TBC1D4: variants seen among roughly 807,000 people sequenced by gnomAD.
TBC1D4 encodes the protein TBC (Tre-2, BUB2, CDC16) domain-containing protein.
In TBC1D4, 121 loss-of-function variants were observed where a neutral mutation model predicts 142.5. The observed-to-expected ratio is 0.85, with a 90% confidence interval of 0.73 to 0.99. The LOEUF is 0.99. TBC1D4 is among the 50% of genes least tolerant of loss of function. The pLI is 0.00. For missense variants in TBC1D4, 1,475 were observed against 1,606.6 expected, an observed-to-expected ratio of 0.92 and a Z score of 1.40; for synonymous variants, 630 against 628.2, an observed-to-expected ratio of 1.00 and a Z score of -0.04.
chr13:75,435,281 T>C (rs1386973355), intron 1 of TBC1D4, among the ~76,000 whole-genome samples: 1 of 147,104 alleles, frequency 6.8e-6, no homozygotes, highest in Admixed American at 6.9e-5. Context: ...GGAGCCAAGA[T>C]CACGCCACTG....
At chr13:75,302,647 G>A (rs77378660) in intron 15 of TBC1D4, 11,949 of 549,988 alleles carry the variant, frequency 0.022, 416 homozygotes, top group African/African-American at 0.11. Flanking sequence ...AACATCACCC[G>A]TTGCTGACTG....
intron 1 of TBC1D4, among the ~76,000 whole-genome samples, chr13:75,460,793 C>T (rs1351573932): frequency 6.6e-6 from 1 of 151,980 alleles, no homozygotes; most frequent in Non-Finnish European, 1.5e-5. Context: ...CATGGTGGCA[C>T]ATGTCCATAG....
chr13:75,378,007 T>G (rs902587154), intron 1 of TBC1D4, among the ~76,000 whole-genome samples: 4 of 152,150 alleles, frequency 2.6e-5, no homozygotes, highest in African/African-American at 9.6e-5. Context: ...CTTAAAAGTT[T>G]CAAAGCCATA....
chr13:75,322,836 T>C (rs1878887513), intron 11 of TBC1D4, among the ~76,000 whole-genome samples: 3 of 152,240 alleles, frequency 2.0e-5, no homozygotes, highest in Admixed American at 6.5e-5. Context: ...ATATATCTTA[T>C]ACTAGTTTTG....
intron 1 of TBC1D4, among the ~76,000 whole-genome samples, chr13:75,378,840 A>T (rs1174979243): frequency 6.6e-6 from 1 of 152,166 alleles, no homozygotes; most frequent in Non-Finnish European, 1.5e-5. Flanking sequence ...CATCAAATAC[A>T]TATCCAGCTG....
Position 75,286,842 on chromosome 13 carries a change from C to A in TBC1D4, c.3847G>T (p.Asp1283Tyr), listed in dbSNP as rs766357042. ...ALVNCDLLLRDLNCNPNNKAK... is the reference protein window; with the variant it reads ...ALVNCDLLLRYLNCNPNNKAK... ...TTGTTGTTAGGGTTGCAGTTTAGGT[C>A]TCTCAGCAACAGGTCACAATTGACT... is the stretch of plus-strand genomic sequence containing the variant. The change falls in exon 21 of 21, where the codon GAC becomes TAC. Residue 1283 changes from aspartate to tyrosine, a missense_variant. Around this residue, in one of 2 missense-constraint regions of TBC1D4, gnomAD observed 248 missense variants for 338.9 expected, o/e 0.73. Transcript: ENST00000377636. The A allele has an allele frequency of 6.2e-7, 1 of 1,613,938 alleles. No homozygotes were observed.
intron 1 of TBC1D4, among the ~76,000 whole-genome samples, chr13:75,426,908 G>A (rs1363058288): frequency 6.6e-6 from 1 of 151,064 alleles, no homozygotes; most frequent in African/African-American, 2.4e-5. Context: ...AAATAGATGG[G>A]CATGGTGGTG....
chr13:75,283,559 A>G lies in TBC1D4; in HGVS notation c.*3233T>C, dbSNP rs1566328890. On this transcript the variant is annotated 3_prime_UTR_variant, in exon 21 of 21. Coordinates refer to ENST00000377636, the MANE Select transcript of TBC1D4 (RefSeq NM_014832.5). ...GAATACTCCAAGAGATGCATATTTT[A>G]TATAAAAACATTCATATCACATCCA... Among the ~76,000 whole-genome samples the G allele has an allele frequency of 6.6e-6, 1 of 152,218 alleles. No individual in the cohort carries two copies. Among genetic ancestry groups the G allele is most frequent in the Non-Finnish European group, 1.5e-5 (1 of 68,032 alleles).
intron 1 of TBC1D4, among the ~76,000 whole-genome samples, chr13:75,470,151 C>G (rs1888339793): frequency 6.6e-6 from 1 of 152,006 alleles, no homozygotes; most frequent in Admixed American, 6.5e-5. Flanking sequence ...TTGTCTAGAG[C>G]AGGGGTTATC....
chr13:75,391,061 C>T (rs866477105), intron 1 of TBC1D4, among the ~76,000 whole-genome samples: 1 of 129,594 alleles, frequency 7.7e-6, no homozygotes, highest in African/African-American at 2.6e-5. Flanking sequence ...CACACACACA[C>T]ACACACACAC....
intron 8 of TBC1D4, among the ~76,000 whole-genome samples, chr13:75,335,308 A>G (rs1880106497): frequency 2.0e-5 from 3 of 152,130 alleles, no homozygotes; most frequent in South Asian, 2.1e-4. Flanking sequence ...TGGGTCCCCC[A>G]TGCCACAGCC....
At position 75,288,874 on chromosome 13, in the gene TBC1D4, T is replaced by C. The variant is rs1874962252; in HGVS notation, c.3663+60A>G. The C allele has an allele frequency of 1.5e-5, 23 of 1,532,740 alleles. No individual in the cohort carries two copies. In the Middle Eastern group the frequency reaches 6.2e-4, roughly 41 times the overall value. 94.9% of individuals were successfully genotyped at this position (1,532,740 alleles called of 1,614,324 possible). On this transcript the variant is annotated intron_variant, in intron 20 of 20. Coordinates refer to ENST00000377636, the MANE Select transcript of TBC1D4 (RefSeq NM_014832.5). The stretch of plus-strand genomic sequence containing the variant: ...GCACATATCCCTTTCATTCCTGAGG[T>C]AGTTCTGTGCATGCAGGAGGCATTG...
chr13:75,366,299 T>A (rs1209023652), intron 1 of TBC1D4, among the ~76,000 whole-genome samples: 1 of 152,208 alleles, frequency 6.6e-6, no homozygotes, highest in Non-Finnish European at 1.5e-5. Context: ...CTGGGAATAG[T>A]TGTTGCACCT....
chr13:75,471,694 G>A (rs1176805575), intron 1 of TBC1D4, among the ~76,000 whole-genome samples: 1 of 150,374 alleles, frequency 6.7e-6, no homozygotes, highest in East Asian at 2.0e-4. Context: ...GCCGAGATTG[G>A]GCCACTACAC....
intron 1 of TBC1D4, among the ~76,000 whole-genome samples, chr13:75,450,653 G>A (rs1887496774): frequency 6.6e-6 from 1 of 152,162 alleles, no homozygotes. Flanking sequence ...CTAAGTGTCT[G>A]GAGTTTGTAT....
chr13:75,393,806 C>T (rs2138315387), intron 1 of TBC1D4, among the ~76,000 whole-genome samples: 1 of 152,044 alleles, frequency 6.6e-6, no homozygotes, highest in Non-Finnish European at 1.5e-5. Flanking sequence ...TGGCACATGC[C>T]TGTAATCCCT....
chr13:75,425,398 A>G (rs1427810674), intron 1 of TBC1D4, among the ~76,000 whole-genome samples: 2 of 152,206 alleles, frequency 1.3e-5, no homozygotes, highest in Non-Finnish European at 2.9e-5. Context: ...TAGTATGGTC[A>G]TAATGGAAAA....
rs200626177 is a variant in TBC1D4 at position 75,312,770 on chromosome 13, A to G, written c.2351T>C (p.Met784Thr). 10 of 1,614,106 alleles carry G rather than the reference A, an allele frequency of 6.2e-6. No individual in the cohort carries two copies. The highest frequency in any genetic ancestry group is 8.5e-6 in the Non-Finnish European group (10 of 1,180,058). Residue 784 changes from methionine to threonine, a missense_variant, in exon 13 of 21, where the codon ATG becomes ACG. Transcript: ENST00000377636. ...QRIFLRVASP[M>T]NKSPSAMQQQ... ...TTGCATTGCTGAGGGAGATTTGTTCATGGGAGAAGCAACCCTGAGGAAAAT... is the reference window on the plus strand; with the variant it reads ...TTGCATTGCTGAGGGAGATTTGTTCGTGGGAGAAGCAACCCTGAGGAAAAT...
At chr13:75,472,937 G>A (rs1888476944) in intron 1 of TBC1D4, among the ~76,000 whole-genome samples, 1 of 152,134 alleles carries the variant, frequency 6.6e-6, no homozygotes, top group Non-Finnish European at 1.5e-5. Flanking sequence ...TGAAACCAAG[G>A]CAAGAGATGA....
Sources: gnomAD v4.1 joint callset for allele counts (sites outside exome capture counted in the v4.1 genomes callset) on GRCh38, gnomAD v4.1.1 for gene constraint, gnomAD v4.1.1 regional missense constraint, MANE v1.5 for transcripts, NCBI Gene and HGNC (gene_info 2026-07-23, HGNC 2026-07-21) for gene names.